STAC: variants seen among roughly 807,000 people sequenced by gnomAD.
STAC encodes the protein SH3 and cysteine rich domain, also known as SH3 and cysteine-rich domain-containing protein.
A neutral mutation model predicts 48.8 loss-of-function variants in STAC; 43 were observed. That is an observed-to-expected ratio of 0.88 (90% CI 0.69 to 1.14). The LOEUF (loss-of-function observed/expected upper bound fraction) is 1.14. STAC is among the 50% of genes most tolerant of loss of function. STAC has a pLI of 0.00. For synonymous variants in STAC, 193 were observed against 179.5 expected, an observed-to-expected ratio of 1.07 and a Z score of -0.60; for missense variants, 497 against 504.0, an observed-to-expected ratio of 0.99 and a Z score of 0.13.
intron 10 of STAC, among the ~76,000 whole-genome samples, chr3:36,540,430 C>G (rs1699298219): frequency 1.3e-5 from 2 of 152,204 alleles, no homozygotes; most frequent in Middle Eastern, 3.4e-3. Flanking sequence ...CCTAGATTGT[C>G]TAGGTGGACC....
intron 1 of STAC, among the ~76,000 whole-genome samples, chr3:36,436,738 A>G (rs981576052): frequency 1.3e-5 from 2 of 152,116 alleles, no homozygotes; most frequent in Non-Finnish European, 2.9e-5. Flanking sequence ...TCTACCTATA[A>G]TCTATCTCCA....
chr3:36,397,029 C>A (rs1264371481), intron 1 of STAC, among the ~76,000 whole-genome samples: 1 of 152,098 alleles, frequency 6.6e-6, no homozygotes, highest in Admixed American at 6.5e-5. Flanking sequence ...GTTTTTTGTT[C>A]CTCAAAACAA....
chr3:36,546,293 CT>C lies in STAC; in HGVS notation c.*5del, dbSNP rs1400418419. 3 of 1,612,794 alleles carry C rather than the reference CT, an allele frequency of 1.9e-6. No homozygotes were observed. The highest frequency in any genetic ancestry group is 2.5e-6 in the Non-Finnish European group (3 of 1,178,788). Reference sequence around the variant, plus strand: ...TGATGTACTAGAAAACATCTGATTGCTGGCTCCTCCTCCGTTTGCAGTAGGC... The same window carrying C: ...TGATGTACTAGAAAACATCTGATTGCGGCTCCTCCTCCGTTTGCAGTAGGC... On this transcript the variant is annotated 3_prime_UTR_variant, in exon 11 of 11. Transcript: ENST00000273183.
At chr3:36,509,133 A>G (rs1320785402) in intron 8 of STAC, among the ~76,000 whole-genome samples, 1 of 152,132 alleles carries the variant, frequency 6.6e-6, no homozygotes, top group African/African-American at 2.4e-5. Context: ...GTCTCTCAGC[A>G]TTTGCTTGTC....
chr3:36,445,698 G>A (rs905520222), intron 2 of STAC, among the ~76,000 whole-genome samples: 15 of 152,222 alleles, frequency 9.9e-5, no homozygotes, highest in Middle Eastern at 3.4e-3. Flanking sequence ...CAAGCCACAC[G>A]TTATCCTCAT....
intron 2 of STAC, among the ~76,000 whole-genome samples, chr3:36,451,698 C>T (rs1297519672): frequency 6.6e-6 from 1 of 152,060 alleles, no homozygotes; most frequent in Non-Finnish European, 1.5e-5. Flanking sequence ...GTTTAATGAT[C>T]AAATCAGGAT....
chr3:36,520,072 C>T (rs1026630747), intron 8 of STAC, among the ~76,000 whole-genome samples: 1 of 152,138 alleles, frequency 6.6e-6, no homozygotes, highest in African/African-American at 2.4e-5. Context: ...ACATCCAGAT[C>T]AGTCATGTTT....
intron 6 of STAC, among the ~76,000 whole-genome samples, chr3:36,494,728 T>A (rs1401665125): frequency 2.0e-5 from 3 of 152,234 alleles, no homozygotes. Context: ...GAAACTGTAC[T>A]TTTAGATAAT....
chr3:36,478,183 C>A (rs2125696264), intron 2 of STAC, among the ~76,000 whole-genome samples: 1 of 152,282 alleles, frequency 6.6e-6, no homozygotes, highest in East Asian at 1.9e-4. Flanking sequence ...TTGTTTCTTT[C>A]TTCCTTGTTG....
At chr3:36,402,974 C>G (rs889907675) in intron 1 of STAC, among the ~76,000 whole-genome samples, 5 of 152,190 alleles carry the variant, frequency 3.3e-5, no homozygotes, top group Non-Finnish European at 7.3e-5. Flanking sequence ...AAAAGGACCA[C>G]TGTGCACAAA....
intron 2 of STAC, among the ~76,000 whole-genome samples, chr3:36,468,752 G>GTATATATATATAAAATACATATA (rs1697245592): frequency 9.9e-5 from 11 of 111,552 alleles, no homozygotes; most frequent in Non-Finnish European, 2.1e-4. Flanking sequence ...ATACATATAT[G>GTATATATATATAAAATACATATA]TGTGTGTGTG....
intron 8 of STAC, 73 bp downstream of exon 8, chr3:36,505,907 C>A: frequency 1.0e-6 from 1 of 967,990 alleles, no homozygotes; most frequent in Non-Finnish European, 1.6e-6. Context: ...AAAAGTAAGT[C>A]CATCTGTGCC....
At chr3:36,511,411 C>G (rs1420811339) in intron 8 of STAC, among the ~76,000 whole-genome samples, 1 of 152,166 alleles carries the variant, frequency 6.6e-6, no homozygotes, top group Non-Finnish European at 1.5e-5. Flanking sequence ...AAGGAAAAGA[C>G]TTCTGCTTCC....
intron 8 of STAC, among the ~76,000 whole-genome samples, chr3:36,509,780 C>T (rs1445602277): frequency 1.3e-5 from 2 of 151,792 alleles, no homozygotes; most frequent in African/African-American, 4.8e-5. Flanking sequence ...AAACTGGACC[C>T]CTGCCTTACA....
chr3:36,478,116 G>T (rs556365666), intron 2 of STAC, among the ~76,000 whole-genome samples: 5 of 152,082 alleles, frequency 3.3e-5, no homozygotes, highest in Admixed American at 6.5e-5. Flanking sequence ...TATTGATTTT[G>T]TTGGCCTCCT....
intron 1 of STAC, among the ~76,000 whole-genome samples, chr3:36,440,281 T>C (rs2125662570): frequency 6.6e-6 from 1 of 152,344 alleles, no homozygotes. Flanking sequence ...TATCTATTGC[T>C]GTGTACACGC....
intron 8 of STAC, among the ~76,000 whole-genome samples, chr3:36,517,235 G>A (rs1477336251): frequency 6.6e-6 from 1 of 152,162 alleles, no homozygotes; most frequent in East Asian, 1.9e-4. Context: ...ATAATCTCCT[G>A]AAATTAAGAG....
At chr3:36,402,294 GGAA>G (rs1367315448) in intron 1 of STAC, among the ~76,000 whole-genome samples, 3 of 151,860 alleles carry the variant, frequency 2.0e-5, no homozygotes, top group African/African-American at 7.3e-5. Flanking sequence ...GACATGGAGG[GGAA>G]GAAGAAGGAA....
At chr3:36,524,117 G>C (rs985651360) in intron 8 of STAC, among the ~76,000 whole-genome samples, 1 of 152,114 alleles carries the variant, frequency 6.6e-6, no homozygotes, top group Admixed American at 6.6e-5. Flanking sequence ...CACAGGGGAT[G>C]TCCCACATTA....
Sources: gnomAD v4.1 joint callset for allele counts (sites outside exome capture counted in the v4.1 genomes callset) on GRCh38, gnomAD v4.1.1 for gene constraint, MANE v1.5 for transcripts, NCBI Gene and HGNC (gene_info 2026-07-23, HGNC 2026-07-21) for gene names.